The following ANXA8 variants were observed in gnomAD, a reference collection of about 807,000 sequenced individuals.
ANXA8 encodes the protein annexin A8.
A neutral mutation model predicts 26.8 loss-of-function variants in ANXA8; 9 were observed. The ratio of observed to expected loss-of-function variants is 0.34; its 90% confidence interval spans 0.20 to 0.59. The LOEUF is 0.59. Ranked by LOEUF, ANXA8 falls within the 20% of genes least tolerant of loss-of-function variation. The probability of loss-of-function intolerance (pLI) is 0.84; values close to 1 mark genes in which losing one functional copy is unlikely to be tolerated. For synonymous variants in ANXA8, 39 were observed against 94.8 expected, an observed-to-expected ratio of 0.41 and a Z score of 3.42; for missense variants, 83 against 238.5, an observed-to-expected ratio of 0.35 and a Z score of 4.29.
At chr10:47,939,295 C>A in the ANXA8 span, among the ~76,000 whole-genome samples, 1 of 95,516 alleles carries the variant, frequency 1.0e-5, no homozygotes, top group African/African-American at 5.6e-5. Context: ...AAGAGCAAAA[C>A]TCTGTCTCAA....
chr10:47,660,668 T>G, the ANXA8 span, among the ~76,000 whole-genome samples: 2 of 151,904 alleles, frequency 1.3e-5, no homozygotes, highest in South Asian at 2.1e-4. Flanking sequence ...CCCAAAGTTC[T>G]GGGATTACAG....
At chr10:47,649,329 C>T in the ANXA8 span, among the ~76,000 whole-genome samples, 2 of 151,564 alleles carry the variant, frequency 1.3e-5, no homozygotes, top group Non-Finnish European at 2.9e-5. Flanking sequence ...TATTCTGTCA[C>T]CATTTAACCC....
the ANXA8 span, among the ~76,000 whole-genome samples, chr10:47,528,383 TA>T: frequency 0.31 from 32,564 of 106,510 alleles, 6,831 homozygotes; most frequent in African/African-American, 0.51. Flanking sequence ...CGGCTAGACT[TA>T]AAAAAAAAAA....
chr10:47,540,459 A>C, the ANXA8 span, among the ~76,000 whole-genome samples: 4 of 127,726 alleles, frequency 3.1e-5, 1 homozygote, highest in African/African-American at 1.1e-4. Flanking sequence ...TTTTAGAAAA[A>C]AATTGCTCAA....
chr10:47,971,279 A>G, the ANXA8 span, among the ~76,000 whole-genome samples: 1 of 151,164 alleles, frequency 6.6e-6, no homozygotes, highest in Non-Finnish European at 1.5e-5. Flanking sequence ...TGAGGAAACT[A>G]GTGCTGGAGT....
chr10:47,599,740 G>A, the ANXA8 span: 1 of 151,424 alleles, frequency 6.6e-6, no homozygotes, highest in South Asian at 2.1e-4. Flanking sequence ...TTTCATCTGG[G>A]AAAATTCGCT....
chr10:47,485,412 GAA>G (rs1840016723), upstream of ANXA8, among the ~76,000 whole-genome samples: 1 of 151,826 alleles, frequency 6.6e-6, no homozygotes, highest in Non-Finnish European at 1.5e-5. Context: ...AGGAGAATTT[GAA>G]AGTCATCAGG....
chr10:47,658,777 TA>T, the ANXA8 span, among the ~76,000 whole-genome samples: 3 of 142,104 alleles, frequency 2.1e-5, no homozygotes, highest in Non-Finnish European at 4.5e-5. Context: ...TCTTCATATG[TA>T]AAAGAGATTA....
At chr10:47,590,898 A>G in the ANXA8 span, among the ~76,000 whole-genome samples, 2 of 127,780 alleles carry the variant, frequency 1.6e-5, no homozygotes, top group East Asian at 2.0e-4. Context: ...CAGCAGGACT[A>G]AGGCCCTTGA....
chr10:47,705,254 A>C, the ANXA8 span, among the ~76,000 whole-genome samples: 1 of 143,664 alleles, frequency 7.0e-6, no homozygotes, highest in Non-Finnish European at 1.5e-5. Flanking sequence ...AAGTCAGTTA[A>C]ATTTTAATTT....
chr10:47,763,917 G>C, the ANXA8 span, among the ~76,000 whole-genome samples: 1 of 152,102 alleles, frequency 6.6e-6, no homozygotes, highest in Non-Finnish European at 1.5e-5. Flanking sequence ...ACCTGTGCCT[G>C]TCCTAGGGGC....
chr10:47,739,941 A>T, the ANXA8 span, among the ~76,000 whole-genome samples: 1 of 96,304 alleles, frequency 1.0e-5, no homozygotes, highest in Non-Finnish European at 2.1e-5. Context: ...AAACACTAAA[A>T]AAAAAAAAAA....
At chr10:47,937,233 T>G in the ANXA8 span, among the ~76,000 whole-genome samples, 1 of 149,594 alleles carries the variant, frequency 6.7e-6, no homozygotes, top group Non-Finnish European at 1.5e-5. Context: ...ACAGAAGCCT[T>G]GTCGGATGAT....
chr10:47,694,222 T>C, the ANXA8 span, among the ~76,000 whole-genome samples: 1 of 151,672 alleles, frequency 6.6e-6, no homozygotes, highest in Admixed American at 6.6e-5. Flanking sequence ...AATCAGATTT[T>C]TTTTGTCTTT....
chr10:47,486,902 G>A (rs1188535628), upstream of ANXA8, among the ~76,000 whole-genome samples: 53 of 148,834 alleles, frequency 3.6e-4, 2 homozygotes, highest in South Asian at 1.1e-3. Context: ...GAACCTGGGA[G>A]GCAGAGGTTG....
chr10:47,683,322 T>G, the ANXA8 span, among the ~76,000 whole-genome samples: 23 of 145,838 alleles, frequency 1.6e-4, no homozygotes, highest in South Asian at 4.3e-4. Flanking sequence ...TCCGCCTCCC[T>G]GGTTCACGCC....
At chr10:47,490,014 G>T in the ANXA8 span, among the ~76,000 whole-genome samples, 2 of 150,154 alleles carry the variant, frequency 1.3e-5, no homozygotes, top group African/African-American at 2.5e-5. Flanking sequence ...GGCCCTGCCC[G>T]GCCTGGAATG....
At chr10:47,691,675 C>A in the ANXA8 span, among the ~76,000 whole-genome samples, 3 of 150,452 alleles carry the variant, frequency 2.0e-5, no homozygotes, top group African/African-American at 7.5e-5. Flanking sequence ...GAGAGGATTG[C>A]TTGAGCCCAG....
chr10:47,658,116 A>G, the ANXA8 span, among the ~76,000 whole-genome samples: 2 of 151,940 alleles, frequency 1.3e-5, no homozygotes, highest in African/African-American at 4.9e-5. Context: ...CACGCCTGTA[A>G]TCCCAGCACT....
Sources: gnomAD v4.1 joint callset for allele counts (sites outside exome capture counted in the v4.1 genomes callset) on GRCh38, gnomAD v4.1.1 for gene constraint, MANE v1.5 for transcripts, NCBI Gene and HGNC (gene_info 2026-07-23, HGNC 2026-07-21) for gene names.